ERBB4: variants seen among roughly 807,000 people sequenced by gnomAD.
The protein encoded by ERBB4 is erb-b2 receptor tyrosine kinase 4.
ERBB4 carries 42 observed loss-of-function variants against 158.0 expected under a neutral mutation model. The ratio of observed to expected loss-of-function variants is 0.27; its 90% CI spans 0.21 to 0.34. The LOEUF is 0.34. Among genes scored for constraint, ERBB4 ranks in the 10% least tolerant of loss-of-function variants. The pLI is 1.00. For synonymous variants in ERBB4, 583 were observed against 558.7 expected (o/e 1.04, Z -0.61); for missense variants, 1,333 against 1,624.1 (o/e 0.82, Z 3.08).
chr2:211,510,320 G>T (rs2065855633), intron 20 of ERBB4, among the ~76,000 whole-genome samples: 1 of 152,088 alleles, frequency 6.6e-6, no homozygotes, highest in Non-Finnish European at 1.5e-5. Context: ...AAAGAGGAGA[G>T]GGTGGGAGGA....
At chr2:211,995,455 AT>A (rs1191138333) in intron 2 of ERBB4, among the ~76,000 whole-genome samples, 1 of 152,098 alleles carries the variant, frequency 6.6e-6, no homozygotes, top group East Asian at 1.9e-4. Context: ...TTTAAAATAC[AT>A]AGAGGTGGTG....
intron 1 of ERBB4, among the ~76,000 whole-genome samples, chr2:212,321,092 A>G (rs560812524): frequency 6.7e-6 from 1 of 150,342 alleles, no homozygotes; most frequent in Non-Finnish European, 1.5e-5. Flanking sequence ...ACCGATGGTA[A>G]TCATCTACAT....
intron 3 of ERBB4, among the ~76,000 whole-genome samples, chr2:211,852,351 C>T (rs1034210601): frequency 7.9e-5 from 12 of 151,860 alleles, no homozygotes; most frequent in Admixed American, 4.6e-4. Context: ...TATGCTGAAT[C>T]GGCACTGACA....
At chr2:211,819,651 A>AT (rs1227320092) in intron 3 of ERBB4, among the ~76,000 whole-genome samples, 1 of 151,970 alleles carries the variant, frequency 6.6e-6, no homozygotes, top group Non-Finnish European at 1.5e-5. Flanking sequence ...AGGTCTCAAA[A>AT]TTTTTTAGGT....
In ERBB4 at chr2:211,924,863, C is replaced by T. The variant is rs545451193; in HGVS notation, c.421+22567G>A. 3.8e-3 allele frequency among the ~76,000 whole-genome samples: 576 copies of T among 152,282 alleles called. 3 individuals carry two copies. Among genetic ancestry groups the T allele is most frequent in the Middle Eastern group, 0.031 (9 of 294 alleles). On this transcript the variant is annotated intron_variant, in intron 3 of 27. Transcript: ENST00000342788. The stretch of plus-strand genomic sequence containing the variant: ...AAAAGGACCAAGGATTAAAGACGTA[C>T]GTTTATCCGCATCCATCCATTTTCC...
At chr2:211,729,082 A>C (rs1376901172) in intron 5 of ERBB4, among the ~76,000 whole-genome samples, 3 of 151,830 alleles carry the variant, frequency 2.0e-5, no homozygotes, top group Admixed American at 1.3e-4. Flanking sequence ...AAAATATTTT[A>C]AATTATTTAA....
chr2:211,493,308 GC>G (rs1325230339), intron 20 of ERBB4, among the ~76,000 whole-genome samples: 6 of 151,824 alleles, frequency 4.0e-5, no homozygotes, highest in Non-Finnish European at 8.8e-5. Flanking sequence ...CTAATTGAGG[GC>G]AAAAATGCCC....
chr2:211,591,860 G>T (rs570380123), intron 19 of ERBB4, among the ~76,000 whole-genome samples: 1 of 152,196 alleles, frequency 6.6e-6, no homozygotes, highest in Non-Finnish European at 1.5e-5. Context: ...TTTAAGCCGA[G>T]TCTCAGTTTC....
At chr2:212,214,954 T>C (rs1420673773) in intron 1 of ERBB4, among the ~76,000 whole-genome samples, 5 of 151,602 alleles carry the variant, frequency 3.3e-5, no homozygotes, top group African/African-American at 1.2e-4. Context: ...CTTAATCTCA[T>C]GAACATAAAT....
At chr2:211,770,150 G>A (rs1470944767) in intron 4 of ERBB4, among the ~76,000 whole-genome samples, 2 of 152,138 alleles carry the variant, frequency 1.3e-5, no homozygotes, top group African/African-American at 4.8e-5. Flanking sequence ...TTTACGTGAA[G>A]TACATTTTTT....
intron 3 of ERBB4, among the ~76,000 whole-genome samples, chr2:211,867,024 C>CAAAAAAAAAAAAAAAA (rs386392490): frequency 1.6e-5 from 1 of 60,632 alleles, no homozygotes; most frequent in Non-Finnish European, 2.9e-5. Flanking sequence ...TCCTTAAAAC[C>CAAAAAAAAAAAAAAAA]AAAAAAAAAA....
At chr2:212,131,669 A>G (rs2080111099) in intron 1 of ERBB4, among the ~76,000 whole-genome samples, 1 of 152,318 alleles carries the variant, frequency 6.6e-6, no homozygotes, top group East Asian at 1.9e-4. Flanking sequence ...CTACTCCACA[A>G]TGGAGGTAAT....
intron 3 of ERBB4, among the ~76,000 whole-genome samples, chr2:211,941,716 CTTTTTT>C (rs57686734): frequency 2.3e-5 from 3 of 132,954 alleles, no homozygotes; most frequent in South Asian, 2.4e-4. Flanking sequence ...ATTTGGAACA[CTTTTTT>C]TTTTTTTTTT....
rs575911805 is a variant in ERBB4, at chr2:212,151,804, G to A, written c.83-26901C>T. On this transcript the variant is annotated intron_variant, in intron 1 of 27. Transcript: ENST00000342788. Reference sequence around the variant, plus strand: ...CTCAAGAGGCTGAGGCACGAGAATCGTTTGAACCTGGGAGACGGAGGTTGC... The same window carrying A: ...CTCAAGAGGCTGAGGCACGAGAATCATTTGAACCTGGGAGACGGAGGTTGC... Among the ~76,000 whole-genome samples the A allele has an allele frequency of 3.9e-5, 6 of 152,222 alleles. No homozygotes were observed. In the East Asian group the frequency reaches 5.8e-4, roughly 15 times the overall value.
At chr2:211,595,576 GA>G (rs1372073431) in intron 19 of ERBB4, among the ~76,000 whole-genome samples, 2 of 152,070 alleles carry the variant, frequency 1.3e-5, no homozygotes, top group African/African-American at 4.8e-5. Context: ...GAAACAAGAT[GA>G]AAACATCATA....
At chr2:212,472,718 T>A (rs1574984456) in intron 1 of ERBB4, among the ~76,000 whole-genome samples, 1 of 151,890 alleles carries the variant, frequency 6.6e-6, no homozygotes, top group Admixed American at 6.6e-5. Flanking sequence ...AGAAAAAATG[T>A]CATGTGTTTG....
intron 3 of ERBB4, among the ~76,000 whole-genome samples, chr2:211,872,071 T>C (rs1191763619): frequency 1.0e-5 from 1 of 95,524 alleles, no homozygotes; most frequent in Non-Finnish European, 2.3e-5. Flanking sequence ...TTGCTTTTAA[T>C]GATTATTCAT....
In ERBB4 at chr2:211,723,223, T is replaced by C. The variant is rs547033397; in HGVS notation, c.742-689A>G. ...TGACTCGTATATTTATATTCATAAC[T>C]CAATTTATTAATATTTTCAAATTCA... On this transcript the variant is annotated intron_variant, in intron 6 of 27. Transcript: ENST00000342788. Among the ~76,000 whole-genome samples, 3 of 152,304 alleles carry C rather than the reference T, an allele frequency of 2.0e-5. No homozygotes were observed. In the South Asian group the frequency reaches 6.2e-4, roughly 32 times the overall value.
At position 212,028,025 on chromosome 2, in the gene ERBB4, C is replaced by T. The variant is rs186339977; in HGVS notation, c.235-80409G>A. Among the ~76,000 whole-genome samples the T allele has an allele frequency of 9.2e-5, 14 of 152,100 alleles. No individual in the cohort carries two copies. The East Asian group carries it at 2.5e-3, about 27-fold the overall frequency. On this transcript the variant is annotated intron_variant, in intron 2 of 27. Coordinates refer to ENST00000342788, the MANE Select transcript of ERBB4 (RefSeq NM_005235.3). ...CTGCATGGAACTTAGGAAAGTTCAG[C>T]AACAGGAAATGAAGGAAGTTGCCAG...
Sources: gnomAD v4.1 joint callset for allele counts (sites outside exome capture counted in the v4.1 genomes callset) on GRCh38, gnomAD v4.1.1 for gene constraint, MANE v1.5 for transcripts, NCBI Gene and HGNC (gene_info 2026-07-23, HGNC 2026-07-21) for gene names.